NOS1: variants seen among roughly 807,000 people sequenced by gnomAD.
NOS1 encodes NOS type I.
Under a neutral mutation model 164.5 loss-of-function variants are expected in NOS1, and 51 were observed. That is an observed-to-expected ratio of 0.31 (90% CI 0.25 to 0.39). The LOEUF is 0.39. Among genes scored for constraint, NOS1 ranks in the 10% least tolerant of loss-of-function variants. NOS1 has a pLI of 1.00. For missense variants in NOS1, 1,362 were observed against 1,885.6 expected (o/e 0.72, Z 5.14); for synonymous variants, 719 against 745.8 (o/e 0.96, Z 0.59).
intron 13 of NOS1, among the ~76,000 whole-genome samples, chr12:117,263,600 TATTATTATTA>T (rs1357390779): frequency 6.8e-6 from 1 of 146,508 alleles, no homozygotes; most frequent in African/African-American, 2.6e-5. Flanking sequence ...TTATTATTAT[TATTATTATTA>T]TTATTATTAT....
intron 1 of NOS1, among the ~76,000 whole-genome samples, chr12:117,347,219 G>A (rs540396013): frequency 4.6e-5 from 7 of 151,904 alleles, no homozygotes; most frequent in South Asian, 2.1e-4. Flanking sequence ...CCTGGGAGGC[G>A]GAGGTTGCAG....
At chr12:117,241,429 T>C (rs975477847) in intron 20 of NOS1, among the ~76,000 whole-genome samples, 1 of 151,456 alleles carries the variant, frequency 6.6e-6, no homozygotes, top group South Asian at 2.1e-4. Flanking sequence ...CTATGGCACT[T>C]TGCAATGATT....
At chr12:117,264,521 C>T (rs1272668489) in intron 12 of NOS1, among the ~76,000 whole-genome samples, 1 of 147,636 alleles carries the variant, frequency 6.8e-6, no homozygotes, top group Non-Finnish European at 1.5e-5. Flanking sequence ...TCCCTTCCTT[C>T]CTTTCCTTCC....
At chr12:117,244,709 T>A (rs542831732) in intron 18 of NOS1, among the ~76,000 whole-genome samples, 4 of 152,332 alleles carry the variant, frequency 2.6e-5, no homozygotes, top group Admixed American at 2.6e-4. Context: ...AACGGAATAT[T>A]ATTTGGCTAT....
chr12:117,214,795 A>G lies in NOS1; in HGVS notation c.*514T>C, dbSNP rs1956577151. On this transcript the variant is annotated 3_prime_UTR_variant, in exon 29 of 29. Transcript: ENST00000317775. The stretch of plus-strand genomic sequence containing the variant: ...AGCAGTGGCAATCTAAGATCGACAC[A>G]CTTGTGCAGGGAAGAGGACGGACAG... The G allele has an allele frequency of 2.0e-6, 2 of 985,536 alleles. No individual in the cohort carries two copies. Among genetic ancestry groups the G allele is most frequent in the Admixed American group, 1.2e-4 (2 of 16,200 alleles). The allele number at this position is 985,536 out of a possible 1,614,324, so 61.0% of individuals were successfully genotyped here.
At chr12:117,319,974 G>T (rs1027009961) in intron 2 of NOS1, among the ~76,000 whole-genome samples, 1 of 152,198 alleles carries the variant, frequency 6.6e-6, no homozygotes, top group Non-Finnish European at 1.5e-5. Context: ...GAAGTCAAAG[G>T]GCTTTCCTAA....
chr12:117,246,384 C>A (rs1028650281), intron 18 of NOS1, among the ~76,000 whole-genome samples: 2 of 152,156 alleles, frequency 1.3e-5, no homozygotes, highest in Non-Finnish European at 2.9e-5. Flanking sequence ...AATCCTCCTG[C>A]CCCAGCCTCC....
At chr12:117,253,297 T>G (rs1222752509) in intron 17 of NOS1, among the ~76,000 whole-genome samples, 1 of 152,054 alleles carries the variant, frequency 6.6e-6, no homozygotes, top group Non-Finnish European at 1.5e-5. Flanking sequence ...GAAGCTTCTA[T>G]GAAGTATACA....
chr12:117,331,667 AC>A, intron 1 of NOS1, among the ~76,000 whole-genome samples, 178 bp from the exon 2 acceptor site: 1 of 152,312 alleles, frequency 6.6e-6, no homozygotes. Context: ...TGGAGGGGGC[AC>A]CTTTCAAGGT....
At chr12:117,280,370 C>T (rs1566056015) in intron 8 of NOS1, among the ~76,000 whole-genome samples, 2 of 152,134 alleles carry the variant, frequency 1.3e-5, no homozygotes, top group African/African-American at 2.4e-5. Context: ...CTCGGCTCTT[C>T]CCTTCCTGGT....
At position 117,290,015 on chromosome 12, in the gene NOS1, T is replaced by C. The variant is rs1357256859; in HGVS notation, c.981+283A>G. ...ATCTGCTTTTTCTGGCTGCTTGTTG[T>C]TAGAAGGGAGGTGATTTCCTTGAAA... On this transcript the variant is annotated intron_variant, in intron 4 of 28. Coordinates refer to ENST00000317775, the MANE Select transcript of NOS1 (RefSeq NM_000620.5). 2.0e-5 allele frequency among the ~76,000 whole-genome samples: 3 copies of C among 152,182 alleles called. No individual in the cohort carries two copies. In the East Asian group the frequency reaches 5.8e-4, roughly 29 times the overall value.
intron 2 of NOS1, among the ~76,000 whole-genome samples, chr12:117,323,278 C>T (rs1338742190): frequency 6.6e-6 from 1 of 152,232 alleles, no homozygotes; most frequent in African/African-American, 2.4e-5. Context: ...TCAGGGTGAC[C>T]TGCATTCGCT....
At chr12:117,226,857 C>T in intron 23 of NOS1, 87 bp from the exon 24 acceptor site, 1 of 973,134 alleles carries the variant, frequency 1.0e-6, no homozygotes. Context: ...TACCCACAGG[C>T]CCAGTGCCAA....
chr12:117,268,335 A>G (rs921226694), intron 10 of NOS1, among the ~76,000 whole-genome samples, 191 bp from the exon 11 acceptor site: 3 of 151,568 alleles, frequency 2.0e-5, no homozygotes, highest in South Asian at 4.2e-4. Context: ...CATTCAAGCG[A>G]TTCTCCTGCC....
chr12:117,243,451 G>A lies in NOS1; in HGVS notation c.2824-16C>T, dbSNP rs764069881. ...CACAGGCTGCCTGTGGTGTACACAA[G>A]GCTTTCAGTGACCTCTTTCAGCCAA... On this transcript the variant is annotated splice_polypyrimidine_tract_variant and intron_variant, in intron 18 of 28. Coordinates refer to ENST00000317775, the MANE Select transcript of NOS1 (RefSeq NM_000620.5). This position sits in a 1 kb window ranked among gnomAD's most constrained non-coding sequence, Gnocchi z 4.3. The A allele has an allele frequency of 1.9e-5, 31 of 1,612,804 alleles. No homozygotes were observed. Among genetic ancestry groups the A allele is most frequent in the African/African-American group, 2.7e-5 (2 of 74,858 alleles).
In NOS1 at chr12:117,342,219, G is replaced by A. The variant is rs554965157; in HGVS notation, c.-420-10730C>T. Reference sequence around the variant, plus strand: ...CCTACTCATACATAGCTCTCCCCAGGACAGGGCAGTCAGCGTGGAGCTTGC... The same window carrying A: ...CCTACTCATACATAGCTCTCCCCAGAACAGGGCAGTCAGCGTGGAGCTTGC... On this transcript the variant is annotated intron_variant, in intron 1 of 28. Transcript: ENST00000317775. Among the ~76,000 whole-genome samples the A allele has an allele frequency of 2.6e-5, 4 of 152,010 alleles. No homozygotes were observed. The South Asian group carries it at 8.3e-4, about 32-fold the overall frequency.
intron 24 of NOS1, among the ~76,000 whole-genome samples, chr12:117,226,186 T>C (rs1028665440): frequency 1.3e-5 from 2 of 152,206 alleles, no homozygotes; most frequent in Non-Finnish European, 2.9e-5. Flanking sequence ...AAAGTCACTG[T>C]TCAGGTAGAG....
chr12:117,348,161 G>C (rs1876444111), intron 1 of NOS1: 2 of 151,886 alleles, frequency 1.3e-5, no homozygotes, highest in Admixed American at 1.3e-4. Flanking sequence ...CCCCACCTGA[G>C]TCAGCTTTAC....
At chr12:117,291,622 C>T (rs1873070927) in intron 3 of NOS1, among the ~76,000 whole-genome samples, 1 of 145,668 alleles carries the variant, frequency 6.9e-6, no homozygotes, top group South Asian at 2.2e-4. Context: ...TAGCCTTGAC[C>T]TCCTAGGCTC....
Sources: gnomAD v4.1 joint callset for allele counts (sites outside exome capture counted in the v4.1 genomes callset) on GRCh38, gnomAD v4.1.1 for gene constraint, Gnocchi (gnomAD v3.1) non-coding constraint, MANE v1.5 for transcripts, NCBI Gene and HGNC (gene_info 2026-07-23, HGNC 2026-07-21) for gene names.